Variants in BNC2 observed in about 807,000 individuals in gnomAD.
BNC2 encodes basonuclin zinc finger protein 2.
A neutral mutation model predicts 76.3 loss-of-function variants in BNC2; 20 were observed. The ratio of observed to expected loss-of-function variants is 0.26; its 90% CI spans 0.18 to 0.38. The LOEUF is 0.38. Ranked by LOEUF, BNC2 falls within the 10% of genes least tolerant of loss-of-function variation. The pLI is 1.00. For synonymous variants in BNC2, 582 were observed against 514.8 expected, an observed-to-expected ratio of 1.13 and a Z score of -1.77; for missense variants, 1,382 against 1,399.8, an observed-to-expected ratio of 0.99 and a Z score of 0.20.
intron 5 of BNC2, among the ~76,000 whole-genome samples, chr9:16,472,717 A>C (rs1821851764): frequency 6.6e-6 from 1 of 152,258 alleles, no homozygotes; most frequent in Non-Finnish European, 1.5e-5. Context: ...CAAGAGATGC[A>C]CCAGAAAATT....
At chr9:16,716,787 G>T (rs1032260277) in intron 3 of BNC2, among the ~76,000 whole-genome samples, 2 of 152,146 alleles carry the variant, frequency 1.3e-5, no homozygotes, top group African/African-American at 4.8e-5. Context: ...ATGCTTGAAA[G>T]ATTAGTTTTT....
At chr9:16,808,515 G>C (rs1326105330) in intron 1 of BNC2, among the ~76,000 whole-genome samples, 2 of 103,258 alleles carry the variant, frequency 1.9e-5, no homozygotes, top group African/African-American at 3.4e-5. Flanking sequence ...TTGAGACAGA[G>C]TCTCATTCTG....
In BNC2 at chr9:16,757,735, A is replaced by AG. The variant is rs1825426992; in HGVS notation, c.4-19251dup. Among the ~76,000 whole-genome samples, 7 of 152,106 alleles carry AG rather than the reference A, an allele frequency of 4.6e-5. No homozygotes were observed. The East Asian group carries it at 9.7e-4, about 21-fold the overall frequency. Reference sequence around the variant, plus strand: ...CTTGATTTTAAAAAGAAAAAAAAAAAGCATACTTGCAAGGTCGCATCAAGT... The same window carrying AG: ...CTTGATTTTAAAAAGAAAAAAAAAAAGGCATACTTGCAAGGTCGCATCAAGT... On this transcript the variant is annotated intron_variant, in intron 1 of 6. Coordinates refer to ENST00000380672, the MANE Select transcript of BNC2 (RefSeq NM_017637.6).
At chr9:16,651,492 C>T (rs1821792990) in intron 3 of BNC2, among the ~76,000 whole-genome samples, 1 of 152,170 alleles carries the variant, frequency 6.6e-6, no homozygotes, top group Non-Finnish European at 1.5e-5. Flanking sequence ...GTTTGGGTTT[C>T]TTACCCTCCA....
chr9:16,467,844 A>AT (rs1491439564), intron 5 of BNC2, among the ~76,000 whole-genome samples: 1 of 143,904 alleles, frequency 6.9e-6, no homozygotes, highest in African/African-American at 2.9e-5. Flanking sequence ...AAAAAAAAAA[A>AT]TTAAAAAAAA....
At chr9:16,471,378 C>A (rs1821821296) in intron 5 of BNC2, among the ~76,000 whole-genome samples, 2 of 151,886 alleles carry the variant, frequency 1.3e-5, no homozygotes, top group African/African-American at 4.8e-5. Flanking sequence ...ACTGCAACCC[C>A]CGCCTCCCGG....
chr9:16,664,723 C>G (rs1236252729), intron 3 of BNC2, among the ~76,000 whole-genome samples: 1 of 150,196 alleles, frequency 6.7e-6, no homozygotes, highest in Middle Eastern at 3.4e-3. Flanking sequence ...CAAAAAAAAA[C>G]AAAAACAAAA....
intron 5 of BNC2, among the ~76,000 whole-genome samples, chr9:16,500,072 C>G (rs914262232): frequency 6.6e-6 from 1 of 151,960 alleles, no homozygotes; most frequent in African/African-American, 2.4e-5. Flanking sequence ...ACTCCCAACT[C>G]CTCCTCAATT....
chr9:16,553,535 A>T (rs1174017218), intron 4 of BNC2, among the ~76,000 whole-genome samples: 1 of 152,232 alleles, frequency 6.6e-6, no homozygotes, highest in African/African-American at 2.4e-5. Flanking sequence ...AATAGCTCTA[A>T]GGGTACAGAT....
At chr9:16,445,754 G>T (rs1309322665) in intron 5 of BNC2, among the ~76,000 whole-genome samples, 1 of 152,134 alleles carries the variant, frequency 6.6e-6, no homozygotes, top group Non-Finnish European at 1.5e-5. Context: ...TGACCTATGT[G>T]AACAAATATG....
At chr9:16,665,409 A>G (rs1822247186) in intron 3 of BNC2, among the ~76,000 whole-genome samples, 1 of 146,432 alleles carries the variant, frequency 6.8e-6, no homozygotes, top group Non-Finnish European at 1.5e-5. Flanking sequence ...AGAGAAAGAG[A>G]GAAAAGAAAG....
chr9:16,615,005 G>C (rs1249857953), intron 3 of BNC2, among the ~76,000 whole-genome samples: 2 of 98,520 alleles, frequency 2.0e-5, no homozygotes, highest in African/African-American at 8.4e-5. Context: ...AAAAAAAAAA[G>C]CCAAGCAGGC....
At chr9:16,853,890 T>C (rs1819190124) in intron 1 of BNC2, among the ~76,000 whole-genome samples, 1 of 152,100 alleles carries the variant, frequency 6.6e-6, no homozygotes, top group African/African-American at 2.4e-5. Context: ...TAAAATAAAA[T>C]TTGGAGTTCA....
chr9:16,677,892 G>A (rs889763230), intron 3 of BNC2, among the ~76,000 whole-genome samples: 3 of 152,094 alleles, frequency 2.0e-5, no homozygotes, highest in African/African-American at 7.2e-5. Flanking sequence ...ACAACTTTAT[G>A]TAAAAATGTA....
At chr9:16,440,254 T>A (rs1821098655) in intron 5 of BNC2, among the ~76,000 whole-genome samples, 1 of 152,114 alleles carries the variant, frequency 6.6e-6, no homozygotes, top group African/African-American at 2.4e-5. Flanking sequence ...TGACTCTAAG[T>A]TTAGAGTGTG....
intron 4 of BNC2, among the ~76,000 whole-genome samples, chr9:16,556,149 T>C (rs1818824745): frequency 1.3e-5 from 2 of 151,760 alleles, no homozygotes. Context: ...AAAAATAAAA[T>C]ATTAGGCAGG....
At chr9:16,516,321 A>C (rs2132005111) in intron 5 of BNC2, among the ~76,000 whole-genome samples, 1 of 152,146 alleles carries the variant, frequency 6.6e-6, no homozygotes. Flanking sequence ...AACTCTGAGA[A>C]GCGTTTGCAA....
At chr9:16,429,675 G>C (rs1820868230) in intron 6 of BNC2, 1 of 279,536 alleles carries the variant, frequency 3.6e-6, no homozygotes, top group African/African-American at 2.2e-5. Context: ...TTGTGCAACA[G>C]AGGTTATAAT....
At chr9:16,575,641 C>A (rs542520946) in intron 4 of BNC2, among the ~76,000 whole-genome samples, 1 of 152,276 alleles carries the variant, frequency 6.6e-6, no homozygotes, top group South Asian at 2.1e-4. Flanking sequence ...CCCTTTAGAG[C>A]TTATCAGCAG....
Sources: allele counts gnomAD v4.1 joint callset (sites outside exome capture counted in the v4.1 genomes callset), GRCh38; gene constraint gnomAD v4.1.1; transcripts MANE v1.5; gene names NCBI Gene and HGNC (gene_info 2026-07-23, HGNC 2026-07-21).